Variants in NCAPD3 observed in about 807,000 individuals in gnomAD.
NCAPD3 encodes the protein non-SMC condensin II complex subunit D3.
Under a neutral mutation model 182.9 loss-of-function variants are expected in NCAPD3, and 105 were observed. The observed-to-expected ratio is 0.57, with a 90% CI of 0.49 to 0.68. NCAPD3 has a LOEUF of 0.68. NCAPD3 is among the 30% of genes least tolerant of loss of function. The pLI is 0.00. For missense variants in NCAPD3, 1,944 were observed against 1,837.0 expected, an observed-to-expected ratio of 1.06 and a Z score of -1.07; for synonymous variants, 815 against 679.9, an observed-to-expected ratio of 1.20 and a Z score of -3.09.
chr11:134,184,840 C>CACAA (rs1944368704), intron 18 of NCAPD3, 63 bp downstream of exon 18: 5 of 1,410,196 alleles, frequency 3.5e-6, no homozygotes, highest in African/African-American at 1.4e-5. Context: ...CACACACACA[C>CACAA]ACACACACAC....
chr11:134,196,398 C>T (rs1944628153), intron 13 of NCAPD3, among the ~76,000 whole-genome samples: 1 of 152,090 alleles, frequency 6.6e-6, no homozygotes, highest in Non-Finnish European at 1.5e-5. Flanking sequence ...AATGCCAGCT[C>T]TTTGGGAGGC....
chr11:134,168,218 A>G, intron 26 of NCAPD3, 23 bp from the exon 27 acceptor site: 1 of 1,604,072 alleles, frequency 6.2e-7, no homozygotes, highest in South Asian at 1.1e-5. Context: ...GAGAGAGAAA[A>G]ACGTGAGCTT....
intron 32 of NCAPD3, among the ~76,000 whole-genome samples, chr11:134,156,361 A>G (rs1943419056): frequency 2.0e-5 from 3 of 152,232 alleles, no homozygotes. Context: ...GGGCCTAGCC[A>G]CTACTCCACA....
At chr11:134,173,500 T>G (rs190858741) in intron 24 of NCAPD3, 1 of 153,628 alleles carries the variant, frequency 6.5e-6, no homozygotes, top group African/African-American at 2.4e-5. Flanking sequence ...GCTACTGAGC[T>G]GCTGGAGGAT....
intron 27 of NCAPD3, among the ~76,000 whole-genome samples, chr11:134,164,527 G>A (rs949890907): frequency 1.3e-5 from 2 of 152,248 alleles, no homozygotes; most frequent in African/African-American, 2.4e-5. Context: ...GCCAGTAGAT[G>A]GTGAGAAGAG....
intron 24 of NCAPD3, among the ~76,000 whole-genome samples, chr11:134,175,736 GA>G (rs896193265): frequency 3.3e-5 from 5 of 151,794 alleles, no homozygotes; most frequent in Non-Finnish European, 7.4e-5. Context: ...TCAACCCCTT[GA>G]AAAAAATCTT....
In NCAPD3 at chr11:134,204,204, T is replaced by C. The variant is rs10791349; in HGVS notation, c.1090-33A>G. 267,446 of 1,606,454 alleles carry C rather than the reference T, an allele frequency of 0.17. 23,288 individuals carry two copies. The highest frequency in any genetic ancestry group is 0.29 in the East Asian group (13,178 of 44,714). On this transcript the variant is annotated intron_variant, in intron 9 of 34. Transcript: ENST00000534548. The surrounding 1 kb of genome is among the most constrained non-coding windows in gnomAD (Gnocchi z 4.3). ...GCAAAAAGAGAAGTTGACCAACCAA[T>C]ATCCACCCGCAGGATGGCTGAAACA... is the stretch of plus-strand genomic sequence containing the variant.
At chr11:134,192,640 G>C (rs1034264080) in intron 16 of NCAPD3, 49 bp downstream of exon 16, 3 of 1,509,354 alleles carry the variant, frequency 2.0e-6, no homozygotes, top group African/African-American at 1.4e-5. Flanking sequence ...TTAATACAAA[G>C]TCCTACGGCC....
Position 134,162,518 on chromosome 11 carries a change from C to T in NCAPD3, c.3574-627G>A, listed in dbSNP as rs536253104. Among the ~76,000 whole-genome samples the T allele has an allele frequency of 2.0e-4, 31 of 152,232 alleles. 1 individual carries two copies. Among genetic ancestry groups the T allele is most frequent in the Admixed American group, 1.0e-3 (16 of 15,288 alleles). Reference sequence around the variant, plus strand: ...TTAAAAAAAAAGCACTATAGTAGCCCACATATGCAAGATTTATCCTCCTGA... The same window carrying T: ...TTAAAAAAAAAGCACTATAGTAGCCTACATATGCAAGATTTATCCTCCTGA... On this transcript the variant is annotated intron_variant, in intron 27 of 34. Coordinates refer to ENST00000534548, the MANE Select transcript of NCAPD3 (RefSeq NM_015261.3).
At chr11:134,170,320 G>C (rs1031710087) in intron 24 of NCAPD3, among the ~76,000 whole-genome samples, 1 of 152,202 alleles carries the variant, frequency 6.6e-6, no homozygotes. Context: ...TCTAAGAGTA[G>C]TCAGTTACTT....
At chr11:134,225,358 C>T, upstream of NCAPD3, 1 of 1,612,768 alleles carries the variant, frequency 6.2e-7, no homozygotes, top group African/African-American at 1.3e-5. Context: ...GAGTCGACCC[C>T]CGGGACCCCC....
chr11:134,161,471 C>T (rs990195246), intron 28 of NCAPD3, among the ~76,000 whole-genome samples: 11 of 152,148 alleles, frequency 7.2e-5, no homozygotes, highest in East Asian at 1.9e-4. Context: ...GCAGCATGAA[C>T]GAAGATGACT....
chr11:134,153,096 C>CCTGA, intron 34 of NCAPD3, 44 bp from the exon 35 acceptor site: 1 of 1,612,470 alleles, frequency 6.2e-7, no homozygotes. Flanking sequence ...TCAGAAAAAC[C>CCTGA]CTGACAGAAA....
intron 1 of NCAPD3, among the ~76,000 whole-genome samples, chr11:134,221,533 T>TC (rs557189360): frequency 2.6e-5 from 4 of 151,986 alleles, no homozygotes; most frequent in Non-Finnish European, 4.4e-5. Flanking sequence ...TATCCCTCCA[T>TC]CCCCCCTTCC....
intron 13 of NCAPD3, among the ~76,000 whole-genome samples, chr11:134,201,258 G>A (rs965267994): frequency 6.6e-6 from 1 of 151,898 alleles, no homozygotes; most frequent in African/African-American, 2.4e-5. Context: ...TCCTGACCTC[G>A]TGATCCTCCT....
At chr11:134,172,696 A>G (rs1944039467) in intron 24 of NCAPD3, among the ~76,000 whole-genome samples, 1 of 152,118 alleles carries the variant, frequency 6.6e-6, no homozygotes, top group African/African-American at 2.4e-5. Flanking sequence ...ACAGGAAGAC[A>G]GATCATAGAA....
At chr11:134,198,068 C>A (rs1161411136) in intron 13 of NCAPD3, among the ~76,000 whole-genome samples, 1 of 152,210 alleles carries the variant, frequency 6.6e-6, no homozygotes, top group Non-Finnish European at 1.5e-5. Flanking sequence ...TCTGAATGGA[C>A]TTCCTCCTCA....
intron 19 of NCAPD3, among the ~76,000 whole-genome samples, chr11:134,184,052 T>C (rs1944349134): frequency 1.3e-5 from 2 of 152,264 alleles, no homozygotes; most frequent in South Asian, 4.1e-4. Context: ...CTTCAGTTAC[T>C]GGTATGCATA....
chr11:134,186,889 ATGATTTATGTC>A (rs1944418354), intron 16 of NCAPD3, among the ~76,000 whole-genome samples: 1 of 152,244 alleles, frequency 6.6e-6, no homozygotes, highest in Non-Finnish European at 1.5e-5. Flanking sequence ...AGCTTACAAC[ATGATTTATGTC>A]TGATTTATGT....
Sources: gnomAD v4.1 joint callset for allele counts (sites outside exome capture counted in the v4.1 genomes callset) on GRCh38, gnomAD v4.1.1 for gene constraint, Gnocchi (gnomAD v3.1) non-coding constraint, MANE v1.5 for transcripts, NCBI Gene and HGNC (gene_info 2026-07-23, HGNC 2026-07-21) for gene names.